The following MAP3K20 variants were observed in gnomAD, a reference collection of about 807,000 sequenced individuals.
MAP3K20 encodes HCCS-4.
A neutral mutation model predicts 85.7 loss-of-function variants in MAP3K20; 40 were observed. That is an observed-to-expected ratio of 0.47 (90% CI 0.36 to 0.61). The LOEUF (loss-of-function observed/expected upper bound fraction) is 0.61, where lower values mean the gene tolerates loss of function less well. MAP3K20 is among the 20% of genes least tolerant of loss of function. MAP3K20 has a pLI of 0.00. For missense variants in MAP3K20, 817 were observed against 961.7 expected (o/e 0.85, Z 1.99); for synonymous variants, 325 against 327.7 (o/e 0.99, Z 0.09).
At chr2:173,173,413 T>A (rs1209849860) in intron 3 of MAP3K20, among the ~76,000 whole-genome samples, 1 of 152,088 alleles carries the variant, frequency 6.6e-6, no homozygotes, top group Non-Finnish European at 1.5e-5. Context: ...GCCTGGAAAT[T>A]GCTTTGTTCT....
intron 10 of MAP3K20, among the ~76,000 whole-genome samples, chr2:173,215,376 G>A (rs1046497522): frequency 6.6e-6 from 1 of 151,834 alleles, no homozygotes; most frequent in Non-Finnish European, 1.5e-5. Flanking sequence ...GGTTTTTCAC[G>A]TTTTTTTCCC....
intron 4 of MAP3K20, among the ~76,000 whole-genome samples, chr2:173,184,221 A>T (rs1409665548): frequency 6.6e-6 from 1 of 152,204 alleles, no homozygotes; most frequent in Non-Finnish European, 1.5e-5. Flanking sequence ...ATGTGCCTTT[A>T]TTGGAGGCTG....
chr2:173,244,205 T>C (rs760675057), intron 16 of MAP3K20, among the ~76,000 whole-genome samples: 3 of 152,036 alleles, frequency 2.0e-5, no homozygotes, highest in South Asian at 2.1e-4. Context: ...TATAAAGTGG[T>C]GGATCAAAAG....
chr2:173,076,364 G>A (rs1374180591), intron 1 of MAP3K20, among the ~76,000 whole-genome samples: 5 of 152,144 alleles, frequency 3.3e-5, no homozygotes, highest in African/African-American at 7.2e-5. Context: ...CGGGCGTGCG[G>A]CACGGGCAGG....
chr2:173,162,907 A>G (rs1244305147), intron 2 of MAP3K20, among the ~76,000 whole-genome samples: 1 of 152,138 alleles, frequency 6.6e-6, no homozygotes, highest in Non-Finnish European at 1.5e-5. Flanking sequence ...GTTGACAATC[A>G]GAGAGAAAAG....
intron 2 of MAP3K20, among the ~76,000 whole-genome samples, chr2:173,165,085 C>T (rs57244347): frequency 0.14 from 20,807 of 151,936 alleles, 1,919 homozygotes; most frequent in African/African-American, 0.26. Flanking sequence ...TATGAATAGA[C>T]CTTGATTCCT....
intron 11 of MAP3K20, chr2:173,221,575 A>C: frequency 6.9e-7 from 1 of 1,455,240 alleles, no homozygotes; most frequent in Non-Finnish European, 9.1e-7. Flanking sequence ...TGGAAAACAC[A>C]AAAGTAACTT....
At chr2:173,226,717 G>T (rs1196392637) in intron 11 of MAP3K20, 2 of 985,636 alleles carry the variant, frequency 2.0e-6, no homozygotes, top group Non-Finnish European at 2.4e-6. Flanking sequence ...TTTATATTGT[G>T]TGCAGAATAG....
intron 10 of MAP3K20, chr2:173,215,788 C>T (rs73974106): frequency 1.0e-3 from 159 of 152,346 alleles, no homozygotes; most frequent in African/African-American, 3.5e-3. Context: ...TCTGTAAGAG[C>T]ATTGGAATGT....
At chr2:173,223,100 A>C in intron 11 of MAP3K20, 1 of 985,408 alleles carries the variant, frequency 1.0e-6, no homozygotes, top group Non-Finnish European at 1.2e-6. Flanking sequence ...ACGTGTTTCT[A>C]ATGCCCCTTG....
intron 10 of MAP3K20, among the ~76,000 whole-genome samples, chr2:173,215,190 A>T (rs1277795174): frequency 6.6e-6 from 1 of 152,206 alleles, no homozygotes; most frequent in African/African-American, 2.4e-5. Flanking sequence ...AATCTGTCTC[A>T]CTGGCAGGGG....
At chr2:173,239,012 A>G (rs532700456) in intron 15 of MAP3K20, among the ~76,000 whole-genome samples, 2 of 152,262 alleles carry the variant, frequency 1.3e-5, no homozygotes, top group Admixed American at 1.3e-4. Flanking sequence ...CCACATTTGC[A>G]TCCTCCATCC....
chr2:173,193,805 G>A (rs539338470), intron 7 of MAP3K20, among the ~76,000 whole-genome samples: 6 of 152,246 alleles, frequency 3.9e-5, no homozygotes, highest in African/African-American at 1.4e-4. Flanking sequence ...ACGTCTCTTT[G>A]TGGATTAGCT....
intron 2 of MAP3K20, among the ~76,000 whole-genome samples, chr2:173,125,659 T>TTTTA (rs1472892640): frequency 6.6e-6 from 1 of 152,140 alleles, no homozygotes; most frequent in African/African-American, 2.4e-5. Context: ...CTTTATTTCC[T>TTTTA]TTTATTTATT....
At chr2:173,078,195 G>GTTTTGT (rs146706382) in intron 1 of MAP3K20, among the ~76,000 whole-genome samples, 1 of 151,908 alleles carries the variant, frequency 6.6e-6, no homozygotes, top group Non-Finnish European at 1.5e-5. Context: ...TTTTGTTTTT[G>GTTTTGT]TTTTGTTTTT....
At chr2:173,187,655 T>C (rs765924759) in intron 5 of MAP3K20, 32 bp downstream of exon 5, 3 of 1,544,684 alleles carry the variant, frequency 1.9e-6, no homozygotes, top group African/African-American at 1.4e-5. Context: ...TTTACCTATT[T>C]TATTACAAAT....
chr2:173,160,445 C>T (rs1689624877), intron 2 of MAP3K20: 1 of 152,012 alleles, frequency 6.6e-6, no homozygotes, highest in African/African-American at 2.4e-5. Flanking sequence ...TAAAAAAAGC[C>T]CTGGTTATGA....
At chr2:173,206,624 C>T (rs1683695532) in intron 9 of MAP3K20, among the ~76,000 whole-genome samples, 1 of 151,904 alleles carries the variant, frequency 6.6e-6, no homozygotes, top group Non-Finnish European at 1.5e-5. Flanking sequence ...TATCCCACCC[C>T]AGGCTTAGCA....
At chr2:173,097,859 T>TA (rs1338340766) in intron 2 of MAP3K20, among the ~76,000 whole-genome samples, 1 of 152,022 alleles carries the variant, frequency 6.6e-6, no homozygotes, top group Non-Finnish European at 1.5e-5. Context: ...GAGCAAAAAA[T>TA]AAAAAGCTTT....
Sources: gnomAD v4.1 joint callset for allele counts (sites outside exome capture counted in the v4.1 genomes callset) on GRCh38, gnomAD v4.1.1 for gene constraint, MANE v1.5 for transcripts, NCBI Gene and HGNC (gene_info 2026-07-23, HGNC 2026-07-21) for gene names.